The following LZTS1 variants were observed in gnomAD, a reference collection of about 807,000 sequenced individuals.
LZTS1 encodes leucine zipper putative tumor suppressor 1.
In LZTS1, 31 loss-of-function variants were observed where a neutral mutation model predicts 45.8. The observed-to-expected ratio is 0.68, with a 90% CI of 0.51 to 0.91. The LOEUF (loss-of-function observed/expected upper bound fraction) is 0.91. Ranked by LOEUF, LZTS1 falls within the 40% of genes least tolerant of loss-of-function variation. The probability of loss-of-function intolerance (pLI) is 0.00; values close to 1 mark genes in which losing one functional copy is unlikely to be tolerated. For synonymous variants in LZTS1, 359 were observed against 357.3 expected, an observed-to-expected ratio of 1.00 and a Z score of -0.05; for missense variants, 821 against 788.9, an observed-to-expected ratio of 1.04 and a Z score of -0.49.
chr8:20,260,610 G>A (rs77443085), intron 1 of LZTS1, among the ~76,000 whole-genome samples: 3,342 of 152,290 alleles, frequency 0.022, 132 homozygotes, highest in African/African-American at 0.077. Context: ...GCCTAGAGGA[G>A]GAATCAAAAG....
chr8:20,261,148 C>T (rs1290744417), intron 1 of LZTS1, among the ~76,000 whole-genome samples: 2 of 152,018 alleles, frequency 1.3e-5, no homozygotes, highest in Non-Finnish European at 2.9e-5. Context: ...TAAGAAATCA[C>T]ATAGATGTTG....
chr8:20,264,599 A>G (rs1423984541), intron 1 of LZTS1, among the ~76,000 whole-genome samples: 3 of 152,084 alleles, frequency 2.0e-5, no homozygotes, highest in Non-Finnish European at 4.4e-5. Flanking sequence ...CCCAGGGAGG[A>G]GCCCTGTGAC....
Position 20,276,947 on chromosome 8 carries a change from G to A in LZTS1, c.-134-21632C>T, listed in dbSNP as rs1039396557. Among the ~76,000 whole-genome samples, 4 of 152,232 alleles carry A rather than the reference G, an allele frequency of 2.6e-5. No homozygotes were observed. In the East Asian group the frequency reaches 5.8e-4, roughly 22 times the overall value. ...ATTAGGATTAAGGGTAAGCATGTCA[G>A]AGGCATTTGAACCAGAGCAACTCCA... On this transcript the variant is annotated intron_variant, in intron 1 of 3. Coordinates refer to ENST00000381569, the MANE Select transcript of LZTS1 (RefSeq NM_021020.5).
intron 1 of LZTS1, among the ~76,000 whole-genome samples, chr8:20,264,077 T>G (rs1300501357): frequency 1.3e-5 from 2 of 152,174 alleles, no homozygotes; most frequent in Non-Finnish European, 2.9e-5. Flanking sequence ...AGTGGGAACA[T>G]TTTTGGATCA....
intron 1 of LZTS1, among the ~76,000 whole-genome samples, chr8:20,263,840 C>A (rs1013148805): frequency 4.6e-5 from 7 of 152,168 alleles, no homozygotes; most frequent in Non-Finnish European, 8.8e-5. Context: ...TCATCGGACA[C>A]CCCACAGGGC....
At chr8:20,251,149 A>AT (rs1563851089) in intron 3 of LZTS1, among the ~76,000 whole-genome samples, 6,455 of 99,100 alleles carry the variant, frequency 0.065, 1,245 homozygotes, top group Non-Finnish European at 0.098. Context: ...ATATATATAT[A>AT]AAATATAAAG....
chr8:20,274,613 C>A (rs982504256), intron 1 of LZTS1, among the ~76,000 whole-genome samples: 3 of 152,156 alleles, frequency 2.0e-5, no homozygotes, highest in African/African-American at 7.2e-5. Flanking sequence ...GACAGCGTAA[C>A]CCAATGGGGC....
intron 1 of LZTS1, among the ~76,000 whole-genome samples, chr8:20,264,211 C>G (rs1800303150): frequency 1.3e-5 from 2 of 152,186 alleles, no homozygotes; most frequent in African/African-American, 2.4e-5. Flanking sequence ...TACTTCGGAT[C>G]CATGCATATT....
chr8:20,276,245 A>ATT (rs67555163), intron 1 of LZTS1, among the ~76,000 whole-genome samples: 48,388 of 145,594 alleles, frequency 0.33, 9,603 homozygotes, highest in East Asian at 0.5. Context: ...CTCCAGAGTG[A>ATT]TTTTTTTTTT....
At position 20,259,294 on chromosome 8, in the gene LZTS1, G is replaced by A. The variant is rs1800174728; in HGVS notation, c.-134-3979C>T. ...GAAACAAACAGAAGGAAAATACAAGGCCTGGCATGTAGTAGGCGATCTACA... is the reference window on the plus strand; with the variant it reads ...GAAACAAACAGAAGGAAAATACAAGACCTGGCATGTAGTAGGCGATCTACA... On this transcript the variant is annotated intron_variant, in intron 1 of 3. Coordinates refer to ENST00000381569, the MANE Select transcript of LZTS1 (RefSeq NM_021020.5). Among the ~76,000 whole-genome samples the A allele has an allele frequency of 2.0e-5, 3 of 152,210 alleles. No individual in the cohort carries two copies. The South Asian group carries it at 6.2e-4, about 32-fold the overall frequency.
rs184805757 is a variant in LZTS1 at position 20,290,908 on chromosome 8, T to C, written c.-135+12832A>G. On this transcript the variant is annotated intron_variant, in intron 1 of 3. Coordinates refer to ENST00000381569, the MANE Select transcript of LZTS1 (RefSeq NM_021020.5). ...GGAGAAATCTCCCTCCCCTAAAGTCTGTCCCATGCACGGGCTTGAGATGGT... is the reference window on the plus strand; with the variant it reads ...GGAGAAATCTCCCTCCCCTAAAGTCCGTCCCATGCACGGGCTTGAGATGGT... Among the ~76,000 whole-genome samples the C allele has an allele frequency of 4.0e-4, 61 of 152,320 alleles. 1 individual carries two copies. Among genetic ancestry groups the C allele is most frequent in the Non-Finnish European group, 8.1e-4 (55 of 68,034 alleles).
chr8:20,273,071 C>T (rs564561114), intron 1 of LZTS1, among the ~76,000 whole-genome samples: 1 of 152,176 alleles, frequency 6.6e-6, no homozygotes, highest in Non-Finnish European at 1.5e-5. Flanking sequence ...TCTGTCCCCA[C>T]CAATCCACTA....
At chr8:20,286,340 C>CTAGGACATGCTAATGGACAAAAA (rs1423445946) in intron 1 of LZTS1, among the ~76,000 whole-genome samples, 9 of 152,078 alleles carry the variant, frequency 5.9e-5, no homozygotes, top group Admixed American at 5.9e-4. Context: ...TTTGAACAGG[C>CTAGGACATGCTAATGGACAAAAA]TAGGACATGC....
intron 1 of LZTS1, among the ~76,000 whole-genome samples, chr8:20,272,146 AC>A (rs1800486141): frequency 1.3e-5 from 2 of 152,234 alleles, no homozygotes; most frequent in Admixed American, 1.3e-4. Flanking sequence ...CAGACAATGG[AC>A]ACATTTAACT....
intron 1 of LZTS1, among the ~76,000 whole-genome samples, chr8:20,281,138 A>T (rs1232199110): frequency 6.6e-6 from 1 of 152,222 alleles, no homozygotes; most frequent in Non-Finnish European, 1.5e-5. Flanking sequence ...CAAGGGTAAG[A>T]TTGTGAGATG....
At chr8:20,250,698 C>T (rs1799872576) in intron 3 of LZTS1, among the ~76,000 whole-genome samples, 3 of 152,170 alleles carry the variant, frequency 2.0e-5, no homozygotes, top group Admixed American at 2.0e-4. Context: ...TCCGCCTCCC[C>T]TCTGATTCTC....
At chr8:20,300,728 T>C (rs1413764494) in intron 1 of LZTS1, among the ~76,000 whole-genome samples, 10 of 152,080 alleles carry the variant, frequency 6.6e-5, no homozygotes, top group Non-Finnish European at 1.2e-4. Context: ...TGCCATAATA[T>C]ACTGGTATGA....
chr8:20,298,304 A>C (rs900157967), intron 1 of LZTS1, among the ~76,000 whole-genome samples: 2 of 152,048 alleles, frequency 1.3e-5, no homozygotes, highest in Non-Finnish European at 2.9e-5. Flanking sequence ...TCAGATGATA[A>C]GCCCACCTCA....
chr8:20,297,130 G>T (rs1800990948), intron 1 of LZTS1, among the ~76,000 whole-genome samples: 2 of 152,160 alleles, frequency 1.3e-5, no homozygotes. Flanking sequence ...TGAGCTACCA[G>T]TGAAGAGACT....
Sources: allele counts gnomAD v4.1 joint callset (sites outside exome capture counted in the v4.1 genomes callset), GRCh38; gene constraint gnomAD v4.1.1; transcripts MANE v1.5; gene names NCBI Gene and HGNC (gene_info 2026-07-23, HGNC 2026-07-21).